CFAP54: variants seen among roughly 807,000 people sequenced by gnomAD.
CFAP54 encodes the protein cilia and flagella associated protein 54.
In CFAP54, 290 loss-of-function variants were observed where a neutral mutation model predicts 370.4. That is an observed-to-expected ratio of 0.78 (90% confidence interval 0.71 to 0.86). The LOEUF is 0.86. Among genes scored for constraint, CFAP54 ranks in the 40% least tolerant of loss-of-function variants. The pLI is 0.00. For synonymous variants in CFAP54, 1,206 were observed against 1,236.5 expected (o/e 0.98, Z 0.52); for missense variants, 3,399 against 3,528.7 (o/e 0.96, Z 0.93).
intron 46 of CFAP54, among the ~76,000 whole-genome samples, chr12:96,703,408 A>G (rs555368666): frequency 6.6e-6 from 1 of 152,190 alleles, no homozygotes; most frequent in Non-Finnish European, 1.5e-5. Context: ...AGCTACAGGT[A>G]CTTGAGTAGG....
intron 22 of CFAP54, among the ~76,000 whole-genome samples, chr12:96,584,926 T>A (rs1463119625): frequency 6.6e-6 from 1 of 152,176 alleles, no homozygotes; most frequent in African/African-American, 2.4e-5. Flanking sequence ...TCCCTCAATT[T>A]AAGCTATAAA....
intron 6 of CFAP54, 114 bp downstream of exon 6, chr12:96,519,185 A>T (rs1190544002): frequency 9.8e-7 from 1 of 1,025,328 alleles, no homozygotes; most frequent in Non-Finnish European, 1.3e-6. Context: ...TGCAACGTCC[A>T]CCTCCCAGGT....
At chr12:96,694,001 C>G (rs1270851430) in intron 45 of CFAP54, among the ~76,000 whole-genome samples, 193 bp downstream of exon 45, 5 of 152,044 alleles carry the variant, frequency 3.3e-5, no homozygotes, top group Non-Finnish European at 5.9e-5. Context: ...TTATTTTATG[C>G]TTGGGCCACA....
intron 66 of CFAP54, among the ~76,000 whole-genome samples, chr12:96,851,439 T>A (rs1959544229): frequency 6.6e-6 from 1 of 152,122 alleles, no homozygotes; most frequent in Non-Finnish European, 1.5e-5. Context: ...CAGATTATTT[T>A]GAAAGTTTTA....
At chr12:96,806,235 T>C (rs1463816711) in intron 63 of CFAP54, among the ~76,000 whole-genome samples, 9 of 89,594 alleles carry the variant, frequency 1.0e-4, no homozygotes, top group Non-Finnish European at 1.8e-4. Context: ...AAAAAGAAAG[T>C]TGGAAAAATA....
At chr12:96,811,304 G>A (rs562838817) in intron 63 of CFAP54, among the ~76,000 whole-genome samples, 1 of 152,248 alleles carries the variant, frequency 6.6e-6, no homozygotes, top group East Asian at 1.9e-4. Context: ...AGCTGTGTGT[G>A]GATTGGATAA....
chr12:96,646,252 C>T (rs1330194403), intron 33 of CFAP54: 1 of 151,986 alleles, frequency 6.6e-6, no homozygotes, highest in Admixed American at 6.6e-5. Context: ...AACAAATTTA[C>T]AAGAAAAAAA....
At chr12:96,874,324 A>G (rs1043255855) in intron 67 of CFAP54, among the ~76,000 whole-genome samples, 3 of 152,184 alleles carry the variant, frequency 2.0e-5, no homozygotes, top group Admixed American at 1.3e-4. Flanking sequence ...CAAAATTCCA[A>G]CAAAGTTAGT....
At chr12:96,713,999 C>A (rs1384593478) in intron 48 of CFAP54, among the ~76,000 whole-genome samples, 2 of 152,048 alleles carry the variant, frequency 1.3e-5, no homozygotes, top group Non-Finnish European at 2.9e-5. Context: ...AGTTGGAATA[C>A]CACTGGAGAA....
chr12:96,547,782 TTTC>T (rs1955656225), intron 14 of CFAP54, 117 bp from the exon 15 acceptor site: 1 of 410,664 alleles, frequency 2.4e-6, no homozygotes, highest in Non-Finnish European at 4.3e-6. Flanking sequence ...TTCCTTCTTC[TTTC>T]GTTTCCTCCT....
chr12:96,693,666 A>G, intron 44 of CFAP54, 56 bp from the exon 45 acceptor site: 14 of 1,125,472 alleles, frequency 1.2e-5, no homozygotes, highest in Non-Finnish European at 1.8e-5. Context: ...TTTGATTATT[A>G]GGTTATTAGT....
chr12:96,631,149 A>T (rs1477098370), intron 32 of CFAP54, among the ~76,000 whole-genome samples: 1 of 151,948 alleles, frequency 6.6e-6, no homozygotes, highest in Non-Finnish European at 1.5e-5. Flanking sequence ...CATAGATATT[A>T]ATAGAACCAA....
chr12:96,528,044 T>C (rs1955402862), intron 9 of CFAP54, among the ~76,000 whole-genome samples: 4 of 152,196 alleles, frequency 2.6e-5, no homozygotes, highest in African/African-American at 9.7e-5. Context: ...TTCTTGATGG[T>C]TGCACTGGCT....
intron 66 of CFAP54, among the ~76,000 whole-genome samples, chr12:96,836,631 A>AT (rs1959187001): frequency 6.6e-6 from 1 of 151,744 alleles, no homozygotes; most frequent in Non-Finnish European, 1.5e-5. Flanking sequence ...TAATATCTCC[A>AT]TTTTTTCTCA....
intron 42 of CFAP54, 126 bp downstream of exon 42, chr12:96,685,364 C>A (rs749914984): frequency 6.1e-5 from 43 of 700,350 alleles, no homozygotes; most frequent in Non-Finnish European, 9.8e-6. Flanking sequence ...CCATATCATA[C>A]AGGGCCTTAC....
At chr12:96,768,335 A>G (rs1031168410) in intron 60 of CFAP54, among the ~76,000 whole-genome samples, 1 of 151,974 alleles carries the variant, frequency 6.6e-6, no homozygotes, top group Non-Finnish European at 1.5e-5. Flanking sequence ...AATAAAATAG[A>G]AAAAACAAAA....
intron 26 of CFAP54, among the ~76,000 whole-genome samples, chr12:96,603,949 C>A (rs748514519): frequency 6.6e-6 from 1 of 152,174 alleles, no homozygotes; most frequent in South Asian, 2.1e-4. Flanking sequence ...CTTCTGAAGC[C>A]TACTTCTGTG....
rs369704383 is a variant in CFAP54 at position 96,595,019 on chromosome 12, T to A, written c.3516+573T>A. Among the ~76,000 whole-genome samples, 18 of 152,280 alleles carry A rather than the reference T, an allele frequency of 1.2e-4. No homozygotes were observed. In the South Asian group the frequency reaches 1.7e-3, roughly 14 times the overall value. Reference sequence around the variant, plus strand: ...AATATGGGTTAGCTGGGTCTTCTGTTTAGGGTCTTATGAGGTTGAAATCAA... The same window carrying A: ...AATATGGGTTAGCTGGGTCTTCTGTATAGGGTCTTATGAGGTTGAAATCAA... On this transcript the variant is annotated intron_variant, in intron 25 of 67. Coordinates refer to ENST00000524981, the MANE Select transcript of CFAP54 (RefSeq NM_001306084.2).
intron 58 of CFAP54, among the ~76,000 whole-genome samples, chr12:96,762,464 C>A (rs1416729755): frequency 6.6e-6 from 1 of 152,182 alleles, no homozygotes; most frequent in Non-Finnish European, 1.5e-5. Context: ...TGTGCAATGT[C>A]GAACATCTCC....
Sources: allele counts gnomAD v4.1 joint callset (sites outside exome capture counted in the v4.1 genomes callset), GRCh38; gene constraint gnomAD v4.1.1; transcripts MANE v1.5; gene names NCBI Gene and HGNC (gene_info 2026-07-23, HGNC 2026-07-21).